The following GPC6 variants were observed in gnomAD, a reference collection of about 807,000 sequenced individuals.
GPC6 encodes the protein glypican-6.
A neutral mutation model predicts 55.2 loss-of-function variants in GPC6; 14 were observed. The ratio of observed to expected loss-of-function variants is 0.25; its 90% confidence interval spans 0.17 to 0.40. GPC6 has a LOEUF of 0.40. GPC6 is among the 10% of genes least tolerant of loss of function. The pLI is 1.00. For missense variants in GPC6, 641 were observed against 708.5 expected, an observed-to-expected ratio of 0.90 and a Z score of 1.08; for synonymous variants, 278 against 259.6, an observed-to-expected ratio of 1.07 and a Z score of -0.68.
chr13:94,345,098 A>G (rs1878223173), intron 6 of GPC6, among the ~76,000 whole-genome samples: 1 of 152,226 alleles, frequency 6.6e-6, no homozygotes, highest in Admixed American at 6.5e-5. Context: ...GTCTATATTT[A>G]TAGAATCTCA....
chr13:93,747,919 G>C (rs1455026209), intron 2 of GPC6, among the ~76,000 whole-genome samples: 1 of 152,150 alleles, frequency 6.6e-6, no homozygotes, highest in Non-Finnish European at 1.5e-5. Context: ...GGGCCTTTCA[G>C]GGGAGGGTCT....
chr13:93,676,126 AAT>A (rs764101821), intron 2 of GPC6, among the ~76,000 whole-genome samples: 293 of 15,596 alleles, frequency 0.019, 2 homozygotes, highest in Non-Finnish European at 0.037. Flanking sequence ...AAAAAAAAAA[AAT>A]ATATATATAT....
At chr13:93,229,087 C>T (rs1352835153) in intron 1 of GPC6, among the ~76,000 whole-genome samples, 1 of 152,140 alleles carries the variant, frequency 6.6e-6, no homozygotes, top group Admixed American at 6.5e-5. Flanking sequence ...ACTTTTCTAT[C>T]CTTGTTACTT....
rs766627327 is a variant in GPC6, at chr13:93,789,482, A to ACTCT, written c.320-40647_320-40644dup. Among the ~76,000 whole-genome samples the ACTCT allele has an allele frequency of 8.3e-3, 492 of 59,590 alleles. 10 individuals carry two copies. The highest frequency in any genetic ancestry group is 0.024 in the African/African-American group (375 of 15,596). The allele number at this position is 59,590 out of a possible 152,430, so 39.1% of individuals were successfully genotyped here. On this transcript the variant is annotated intron_variant, in intron 2 of 8. Transcript: ENST00000377047. ...GTAAAGGACTTAAATATGTGAGTGAACTCTCTCTCTCTCTCTCTCTCTCTC... is the reference window on the plus strand; with the variant it reads ...GTAAAGGACTTAAATATGTGAGTGAACTCTCTCTCTCTCTCTCTCTCTCTCTCTC...
chr13:94,371,592 A>G (rs1879545240), intron 6 of GPC6, among the ~76,000 whole-genome samples: 1 of 152,210 alleles, frequency 6.6e-6, no homozygotes, highest in Non-Finnish European at 1.5e-5. Flanking sequence ...GCCTCAGCTC[A>G]GTGAAAGCTC....
rs116086244 is a variant in GPC6 at position 94,035,947 on chromosome 13, A to G, written c.877+8053A>G. ...TCAGGGTTGTTTCTTTAACAATTAT[A>G]AAAGAGACTGCTGTAATCTCTTCAT... On this transcript the variant is annotated intron_variant, in intron 4 of 8. Coordinates refer to ENST00000377047, the MANE Select transcript of GPC6 (RefSeq NM_005708.5). Among the ~76,000 whole-genome samples the G allele has an allele frequency of 9.8e-3, 1,490 of 152,164 alleles. 29 individuals are homozygous for G. Among genetic ancestry groups the G allele is most frequent in the South Asian group, 0.066 (320 of 4,830 alleles).
At position 94,398,509 on chromosome 13, in the gene GPC6, A is replaced by G; in HGVS notation, c.1333A>G (p.Asn445Asp). 1 of 1,613,882 alleles carries G rather than the reference A, an allele frequency of 6.2e-7. No individual in the cohort carries two copies. The highest frequency in any genetic ancestry group is 1.1e-5 in the South Asian group (1 of 91,080). The change falls in exon 8 of 9, where the codon AAC becomes GAC. Residue 445 changes from asparagine to aspartate, a missense_variant. Coordinates refer to ENST00000377047, the MANE Select transcript of GPC6 (RefSeq NM_005708.5). ...IMNDGLTNQI[N>D]NPEVDVDITR... ...GAATGATGGGCTCACCAACCAGATC[A>G]ACAATCCCGAGGTGGATGTGGACAT...
At chr13:94,372,199 G>T (rs993260285) in intron 6 of GPC6, among the ~76,000 whole-genome samples, 6 of 152,000 alleles carry the variant, frequency 3.9e-5, no homozygotes, top group Admixed American at 3.9e-4. Flanking sequence ...TCTCATCACT[G>T]GGGGGAGGAG....
At chr13:93,807,788 T>C (rs1886583530) in intron 2 of GPC6, among the ~76,000 whole-genome samples, 1 of 152,182 alleles carries the variant, frequency 6.6e-6, no homozygotes, top group African/African-American at 2.4e-5. Context: ...GATAAATAAA[T>C]TCACAGATAA....
At chr13:94,140,752 C>T (rs914636229) in intron 4 of GPC6, among the ~76,000 whole-genome samples, 26 of 152,100 alleles carry the variant, frequency 1.7e-4, no homozygotes, top group Non-Finnish European at 3.4e-4. Context: ...GGCAGAACTC[C>T]AAGCTGGCAT....
At chr13:94,244,304 G>T (rs1891137065) in intron 4 of GPC6, among the ~76,000 whole-genome samples, 1 of 152,114 alleles carries the variant, frequency 6.6e-6, no homozygotes, top group African/African-American at 2.4e-5. Context: ...ATAAGAAGTG[G>T]CTTTAGGAAA....
intron 1 of GPC6, among the ~76,000 whole-genome samples, chr13:93,278,825 T>C (rs1877849926): frequency 6.6e-6 from 1 of 152,064 alleles, no homozygotes; most frequent in African/African-American, 2.4e-5. Context: ...GCTAAATGAG[T>C]AGATTTTAGC....
At chr13:93,523,865 C>T (rs949563936) in intron 1 of GPC6, among the ~76,000 whole-genome samples, 12 of 151,872 alleles carry the variant, frequency 7.9e-5, no homozygotes, top group African/African-American at 2.9e-4. Flanking sequence ...CCCCATAGAC[C>T]AGGTGCACTG....
At chr13:94,382,316 A>G (rs1455728746) in intron 6 of GPC6, 98 bp from the exon 7 acceptor site, 2 of 1,261,604 alleles carry the variant, frequency 1.6e-6, no homozygotes, top group Admixed American at 3.4e-5. Flanking sequence ...TGCTGGTCAT[A>G]TCACAGGTTC....
intron 3 of GPC6, among the ~76,000 whole-genome samples, chr13:93,915,939 C>G (rs1877266992): frequency 6.6e-6 from 1 of 152,150 alleles, no homozygotes; most frequent in African/African-American, 2.4e-5. Context: ...GAAAAGAGCG[C>G]CCCTTAGGTG....
chr13:93,227,192 A>T lies in GPC6; in HGVS notation c.-265A>T, dbSNP rs1461827105. 1.3e-5 allele frequency: 5 copies of T among 383,880 alleles called. No individual in the cohort carries two copies. Among genetic ancestry groups the T allele is most frequent in the East Asian group, 1.2e-4 (3 of 24,704 alleles). The allele number at this position is 383,880 out of a possible 1,614,324, so 23.8% of individuals were successfully genotyped here. A position where few individuals can be genotyped will look rare whatever the true frequency, so the allele number is the denominator to read the frequency against. On this transcript the variant is annotated 5_prime_UTR_variant, in exon 1 of 9. Transcript: ENST00000377047. This position sits in a 1 kb window ranked among gnomAD's most constrained non-coding sequence, Gnocchi z 4.3. ...TCCTTCTCTTCCTCGTTTTGATTGC[A>T]CCGTTTCCATCTGGGGGCTAGAGGA...
At chr13:93,258,350 C>T (rs993516847) in intron 1 of GPC6, among the ~76,000 whole-genome samples, 5 of 152,146 alleles carry the variant, frequency 3.3e-5, no homozygotes, top group Non-Finnish European at 5.9e-5. Flanking sequence ...GAGGTTTCAG[C>T]ATTGTCCTCA....
chr13:93,982,390 G>A (rs1234664703), intron 3 of GPC6, among the ~76,000 whole-genome samples: 1 of 152,134 alleles, frequency 6.6e-6, no homozygotes, highest in African/African-American at 2.4e-5. Flanking sequence ...GCAGAGAGGT[G>A]AGGAAAACTT....
At chr13:93,649,941 T>C (rs1332416099) in intron 2 of GPC6, among the ~76,000 whole-genome samples, 2 of 152,212 alleles carry the variant, frequency 1.3e-5, no homozygotes, top group African/African-American at 4.8e-5. Flanking sequence ...GACGCCCATA[T>C]TTCAAGAGTT....
Sources: gnomAD v4.1 joint callset for allele counts (sites outside exome capture counted in the v4.1 genomes callset) on GRCh38, gnomAD v4.1.1 for gene constraint, Gnocchi (gnomAD v3.1) non-coding constraint, MANE v1.5 for transcripts, NCBI Gene and HGNC (gene_info 2026-07-23, HGNC 2026-07-21) for gene names.